The following SPAG16 variants were observed in gnomAD, a reference collection of about 807,000 sequenced individuals.
SPAG16 encodes sperm-associated antigen 16 protein.
In SPAG16, 86 loss-of-function variants were observed where a neutral mutation model predicts 80.4. The observed-to-expected ratio is 1.07, with a 90% confidence interval of 0.90 to 1.28. SPAG16 has a LOEUF of 1.28. SPAG16 is among the 50% of genes most tolerant of loss of function. The pLI, the probability that SPAG16 is intolerant of heterozygous loss-of-function variation, is 0.00. For missense variants in SPAG16, 870 were observed against 765.3 expected, an observed-to-expected ratio of 1.14 and a Z score of -1.61; for synonymous variants, 294 against 265.9, an observed-to-expected ratio of 1.11 and a Z score of -1.03.
At chr2:213,581,928 G>T (rs562695943) in intron 10 of SPAG16, among the ~76,000 whole-genome samples, 3 of 151,972 alleles carry the variant, frequency 2.0e-5, no homozygotes, top group African/African-American at 4.8e-5. Flanking sequence ...TTCCTTTTTT[G>T]CAGTAAGCCA....
At chr2:213,927,008 C>T (rs950560744) in intron 11 of SPAG16, among the ~76,000 whole-genome samples, 7 of 152,182 alleles carry the variant, frequency 4.6e-5, no homozygotes, top group Non-Finnish European at 7.3e-5. Context: ...ACTCCTGGAG[C>T]CTAGAAGTCT....
chr2:213,669,361 G>C (rs2125214293), intron 10 of SPAG16, among the ~76,000 whole-genome samples: 1 of 152,158 alleles, frequency 6.6e-6, no homozygotes, highest in East Asian at 1.9e-4. Context: ...TGTTTTTTTG[G>C]CTATAGTATT....
chr2:214,262,144 G>A (rs1691222255), intron 15 of SPAG16, among the ~76,000 whole-genome samples: 1 of 151,920 alleles, frequency 6.6e-6, no homozygotes, highest in South Asian at 2.1e-4. Context: ...CACTTTCCAT[G>A]TTTAAAATTT....
intron 9 of SPAG16, among the ~76,000 whole-genome samples, chr2:213,445,548 G>C (rs1367380858): frequency 6.6e-6 from 1 of 152,102 alleles, no homozygotes; most frequent in Non-Finnish European, 1.5e-5. Flanking sequence ...TGTAATCCCA[G>C]CTACTTTGGA....
chr2:213,835,657 T>A (rs370191865), intron 10 of SPAG16, among the ~76,000 whole-genome samples: 7 of 152,172 alleles, frequency 4.6e-5, no homozygotes, highest in Admixed American at 4.6e-4. Context: ...AATGGGAGAT[T>A]TATGCTCTAA....
chr2:213,763,674 G>A (rs1228698690), intron 10 of SPAG16, among the ~76,000 whole-genome samples: 2 of 151,074 alleles, frequency 1.3e-5, no homozygotes, highest in Non-Finnish European at 3.0e-5. Context: ...TTTTTACCAC[G>A]ATAAAAAGGA....
At chr2:213,803,029 T>C (rs2071517254) in intron 10 of SPAG16, among the ~76,000 whole-genome samples, 1 of 152,186 alleles carries the variant, frequency 6.6e-6, no homozygotes, top group Non-Finnish European at 1.5e-5. Context: ...TGGAGTTTTT[T>C]TTTTGTATAA....
intron 13 of SPAG16, among the ~76,000 whole-genome samples, chr2:214,066,577 T>C (rs1008687202): frequency 1.3e-5 from 2 of 152,202 alleles, no homozygotes; most frequent in Non-Finnish European, 2.9e-5. Flanking sequence ...AAGTGGCTCA[T>C]GTAAGTGTTT....
At position 214,327,998 on chromosome 2, in the gene SPAG16, A is replaced by C. The variant is rs556607236; in HGVS notation, c.1721-82142A>C. Among the ~76,000 whole-genome samples, 11 of 152,270 alleles carry C rather than the reference A, an allele frequency of 7.2e-5. No individual in the cohort carries two copies. In the East Asian group the frequency reaches 2.1e-3, roughly 29 times the overall value. On this transcript the variant is annotated intron_variant, in intron 15 of 15. Coordinates refer to ENST00000331683, the MANE Select transcript of SPAG16 (RefSeq NM_024532.5). ...TCTGACAGTCAATTAATTCTGTTTC[A>C]TCTTTGTGTATGTTCCTAGAGGCTC...
intron 10 of SPAG16, among the ~76,000 whole-genome samples, chr2:213,628,777 A>G (rs993525116): frequency 1.3e-5 from 2 of 152,190 alleles, no homozygotes; most frequent in East Asian, 1.9e-4. Flanking sequence ...ATCAATGCCA[A>G]TTGTCAAAAT....
chr2:213,906,412 A>G (rs1011519414), intron 11 of SPAG16, among the ~76,000 whole-genome samples: 3 of 152,182 alleles, frequency 2.0e-5, no homozygotes, highest in African/African-American at 7.2e-5. Flanking sequence ...GGATGGGAAG[A>G]ATTAATATTG....
intron 13 of SPAG16, among the ~76,000 whole-genome samples, chr2:214,070,333 A>G (rs1482288128): frequency 6.6e-6 from 1 of 151,900 alleles, no homozygotes; most frequent in Non-Finnish European, 1.5e-5. Context: ...TTTTTCTGTA[A>G]TTCTTGTTTG....
At chr2:213,948,281 A>G (rs1315964541) in intron 12 of SPAG16, among the ~76,000 whole-genome samples, 3 of 152,308 alleles carry the variant, frequency 2.0e-5, no homozygotes, top group African/African-American at 4.8e-5. Context: ...GCACACACAC[A>G]GATAAACAGA....
chr2:214,009,477 G>C (rs1221145084), intron 12 of SPAG16, among the ~76,000 whole-genome samples: 2 of 152,174 alleles, frequency 1.3e-5, no homozygotes, highest in Non-Finnish European at 2.9e-5. Flanking sequence ...TAATTTTACA[G>C]TTGCTTATTA....
At chr2:213,643,704 C>A (rs190042238) in intron 10 of SPAG16, among the ~76,000 whole-genome samples, 1 of 132,748 alleles carries the variant, frequency 7.5e-6, no homozygotes, top group African/African-American at 2.8e-5. Context: ...ATTTTTTATT[C>A]TTTTATCTTT....
chr2:213,290,021 C>T (rs1227035717), intron 1 of SPAG16, among the ~76,000 whole-genome samples: 1 of 152,194 alleles, frequency 6.6e-6, no homozygotes. Flanking sequence ...CGCCATTAGG[C>T]CAACCAAAAT....
chr2:213,335,002 T>C (rs2064280947), intron 5 of SPAG16, among the ~76,000 whole-genome samples: 1 of 152,198 alleles, frequency 6.6e-6, no homozygotes, highest in Admixed American at 6.5e-5. Context: ...TGCTCTATTT[T>C]CCATGATTAT....
intron 8 of SPAG16, among the ~76,000 whole-genome samples, chr2:213,368,800 A>G (rs540590454): frequency 6.6e-6 from 1 of 152,334 alleles, no homozygotes; most frequent in African/African-American, 2.4e-5. Flanking sequence ...TCATGAGTCA[A>G]ATCCCATTCA....
chr2:213,517,652 A>G (rs554836995), intron 10 of SPAG16, among the ~76,000 whole-genome samples: 142 of 152,292 alleles, frequency 9.3e-4, no homozygotes, highest in Non-Finnish European at 1.7e-3. Context: ...AAACTCAGAA[A>G]TAAAGCCACA....
Sources: allele counts gnomAD v4.1 joint callset (sites outside exome capture counted in the v4.1 genomes callset), GRCh38; gene constraint gnomAD v4.1.1; transcripts MANE v1.5; gene names NCBI Gene and HGNC (gene_info 2026-07-23, HGNC 2026-07-21).